Variants in C2orf92 observed in about 807,000 individuals in gnomAD.
C2orf92 encodes the protein chromosome 2 open reading frame 92, also known as uncharacterized protein C2orf92.
intron 2 of C2orf92, chr2:97,675,625 C>T (rs2104543625): frequency 2.6e-6 from 1 of 387,924 alleles, no homozygotes; most frequent in East Asian, 3.6e-5. Flanking sequence ...TATTGTCTGT[C>T]AACAGACTAT....
chr2:97,664,598 A>G (rs1269440118), intron 1 of C2orf92: 1 of 151,198 alleles, frequency 6.6e-6, no homozygotes, highest in Non-Finnish European at 1.5e-5. Flanking sequence ...TAGTCTCCGT[A>G]GAGACTGTTA....
upstream of C2orf92, chr2:97,668,056 A>G (rs941715736): frequency 3.3e-5 from 5 of 152,210 alleles, no homozygotes; most frequent in African/African-American, 4.8e-5. Context: ...CAGCAGAAGC[A>G]AAAGAGATGG....
chr2:97,674,457 T>C lies in C2orf92; in HGVS notation c.48T>C (p.Asp16=). ...ALFFVLCWIQ[D]EIVLQVFSKV... ...ATGCCTTTGTTTGCTTCACTGGAGA[T>C]GAAATTGTGCTCCAAGTGTTTTCCA... The change falls in exon 2 of 8, where the codon GAT becomes GAC. Residue 16 remains aspartate, a splice_region_variant and synonymous_variant. Coordinates refer to ENST00000627399, the MANE Select transcript of C2orf92 (RefSeq NM_001351368.2). The C allele has an allele frequency of 2.5e-6, 1 of 398,486 alleles. No individual in the cohort carries two copies. The highest frequency in any genetic ancestry group is 1.3e-4 in the South Asian group (1 of 7,852). 24.7% of individuals were successfully genotyped at this position (398,486 alleles called of 1,614,324 possible).
At chr2:97,679,486 T>G (rs968789548) in intron 3 of C2orf92, among the ~76,000 whole-genome samples, 6 of 152,082 alleles carry the variant, frequency 3.9e-5, no homozygotes, top group Non-Finnish European at 8.8e-5. Context: ...TTTTAACTAG[T>G]TTAGGTGTTT....
intron 3 of C2orf92, among the ~76,000 whole-genome samples, chr2:97,681,691 T>C (rs1199672240): frequency 6.6e-6 from 1 of 152,186 alleles, no homozygotes; most frequent in East Asian, 1.9e-4. Context: ...ACCCTGTCTC[T>C]ACTAAAAGTA....
At chr2:97,702,642 A>C (rs1396213871) in intron 7 of C2orf92, 27 bp from the exon 8 acceptor site, 2 of 399,026 alleles carry the variant, frequency 5.0e-6, no homozygotes, top group Admixed American at 4.4e-5. Context: ...TGAGCTGAGC[A>C]CTGTGGTTTT....
intron 6 of C2orf92, among the ~76,000 whole-genome samples, chr2:97,700,436 T>C (rs1475284572): frequency 1.3e-5 from 2 of 152,212 alleles, no homozygotes; most frequent in Non-Finnish European, 2.9e-5. Flanking sequence ...TCCATTGTTC[T>C]TAAAATCCTT....
At chr2:97,669,349 C>T (rs1156650692), upstream of C2orf92, 1 of 152,734 alleles carries the variant, frequency 6.5e-6, no homozygotes, top group Non-Finnish European at 1.5e-5. Context: ...ATCCGCCTGC[C>T]TCAGCCTTCC....
intron 5 of C2orf92, among the ~76,000 whole-genome samples, chr2:97,695,913 G>A (rs536351088): frequency 7.2e-5 from 11 of 152,192 alleles, no homozygotes; most frequent in South Asian, 2.1e-4. Flanking sequence ...CACCATGCCC[G>A]GCAGTCTTGC....
rs72815646 is a variant in C2orf92 at position 97,682,861 on chromosome 2, C to G, written c.233-6034C>G. Among the ~76,000 whole-genome samples the G allele has an allele frequency of 7.0e-3, 1,068 of 152,050 alleles. 17 individuals carry two copies. The highest frequency in any genetic ancestry group is 0.024 in the African/African-American group (982 of 41,484). On this transcript the variant is annotated intron_variant, in intron 3 of 7. Coordinates refer to ENST00000627399, the MANE Select transcript of C2orf92 (RefSeq NM_001351368.2). ...TGTTTGAAAAACCCATGGATGATAT[C>G]GTGCTCAATGTTGAAAGACTGAAAG...
At chr2:97,694,917 C>T (rs1676263927) in intron 5 of C2orf92, among the ~76,000 whole-genome samples, 1 of 152,204 alleles carries the variant, frequency 6.6e-6, no homozygotes, top group Non-Finnish European at 1.5e-5. Flanking sequence ...TGTTGAGCAT[C>T]TTTTCAAGTA....
At chr2:97,689,544 GAT>G (rs1285310842) in intron 4 of C2orf92, among the ~76,000 whole-genome samples, 2 of 152,216 alleles carry the variant, frequency 1.3e-5, no homozygotes, top group Admixed American at 6.5e-5. Flanking sequence ...TGGGAATTAA[GAT>G]AGGTATTTGC....
chr2:97,680,710 A>C (rs1352008946), intron 3 of C2orf92, among the ~76,000 whole-genome samples: 1 of 152,100 alleles, frequency 6.6e-6, no homozygotes, highest in African/African-American at 2.4e-5. Context: ...GCGGATCATG[A>C]GGTCAGGAGA....
rs987292211 is a variant in C2orf92 at position 97,684,903 on chromosome 2, C to T, written c.233-3992C>T. ...GGGAAATGCAAAATATCACTATTCA[C>T]GCTTCTTAGAATGGATTTTATTTTT... On this transcript the variant is annotated intron_variant, in intron 3 of 7. Coordinates refer to ENST00000627399, the MANE Select transcript of C2orf92 (RefSeq NM_001351368.2). Among the ~76,000 whole-genome samples, 16 of 151,874 alleles carry T rather than the reference C, an allele frequency of 1.1e-4. 2 individuals are homozygous for T. The highest frequency in any genetic ancestry group is 9.9e-4 in the Admixed American group (15 of 15,202).
At chr2:97,700,423 G>A (rs918710272) in intron 6 of C2orf92, among the ~76,000 whole-genome samples, 1 of 152,142 alleles carries the variant, frequency 6.6e-6, no homozygotes, top group South Asian at 2.1e-4. Flanking sequence ...CAGAGTGTTC[G>A]CCTCCATTGT....
intron 3 of C2orf92, 129 bp from the exon 4 acceptor site, chr2:97,688,766 T>C (rs989186681): frequency 6.6e-5 from 26 of 395,484 alleles, no homozygotes; most frequent in Non-Finnish European, 1.1e-4. Context: ...TTTTAGGGAA[T>C]AACGTCCCAT....
At chr2:97,697,754 G>A (rs1214990994) in intron 5 of C2orf92, among the ~76,000 whole-genome samples, 1 of 151,922 alleles carries the variant, frequency 6.6e-6, no homozygotes, top group Non-Finnish European at 1.5e-5. Flanking sequence ...TTGAGACAGG[G>A]TCTCGCTCTG....
chr2:97,694,009 C>T (rs952032412), intron 5 of C2orf92, among the ~76,000 whole-genome samples: 1 of 152,128 alleles, frequency 6.6e-6, no homozygotes, highest in African/African-American at 2.4e-5. Context: ...GCATTCATCT[C>T]CAGAACTCTT....
intron 5 of C2orf92, among the ~76,000 whole-genome samples, chr2:97,694,791 T>C (rs745380564): frequency 1.2e-4 from 18 of 152,120 alleles, no homozygotes; most frequent in Non-Finnish European, 2.5e-4. Context: ...TGGTTTTAAT[T>C]TTCTGAGGAA....
Sources: allele counts gnomAD v4.1 joint callset (sites outside exome capture counted in the v4.1 genomes callset), GRCh38; gene constraint gnomAD v4.1.1; transcripts MANE v1.5; gene names NCBI Gene and HGNC (gene_info 2026-07-23, HGNC 2026-07-21).